PAK1IP1: variants seen among roughly 807,000 people sequenced by gnomAD.
PAK1IP1 encodes p21-activated protein kinase-interacting protein 1.
In PAK1IP1, 24 loss-of-function variants were observed where a neutral mutation model predicts 42.0. The observed-to-expected ratio is 0.57, with a 90% CI of 0.41 to 0.80. The LOEUF is 0.80. PAK1IP1 is among the 30% of genes least tolerant of loss of function. The probability of loss-of-function intolerance (pLI) is 0.00; values close to 1 mark genes in which losing one functional copy is unlikely to be tolerated. For missense variants in PAK1IP1, 411 were observed against 467.9 expected (o/e 0.88, Z 1.12); for synonymous variants, 154 against 156.7 (o/e 0.98, Z 0.13).
Position 10,702,434 on chromosome 6 carries a change from A to G in PAK1IP1, c.313A>G (p.Ile105Val). The change falls in exon 3 of 10, where the codon ATC becomes GTC. Residue 105 changes from isoleucine to valine, a missense_variant. Physicochemically the swap from Ile to Val is conservative, Grantham distance 29. Coordinates refer to ENST00000379568, the MANE Select transcript of PAK1IP1 (RefSeq NM_017906.3). ...HLISGAEDGLICIWDAKKWEC... is the reference protein window; with the variant it reads ...HLISGAEDGLVCIWDAKKWEC... ...AATCAGTGGAGCGGAAGATGGACTC[A>G]TCTGTATCTGGGATGCAAAGAAATG... 6.2e-7 allele frequency: 1 copy of G among 1,613,802 alleles called. No homozygotes were observed. Among genetic ancestry groups the G allele is most frequent in the South Asian group, 1.1e-5 (1 of 91,072 alleles).
chr6:10,691,210 G>C (rs2127472814), upstream of PAK1IP1, among the ~76,000 whole-genome samples: 1 of 152,316 alleles, frequency 6.6e-6, no homozygotes. Context: ...TTAAATTGTA[G>C]CAGGACAAGC....
chr6:10,703,603 C>T lies in PAK1IP1; in HGVS notation c.496+146C>T, dbSNP rs1159164168. 8 of 585,644 alleles carry T rather than the reference C, an allele frequency of 1.4e-5. No individual in the cohort carries two copies. The Admixed American group carries it at 2.3e-4, about 17-fold the overall frequency. 36.3% of individuals were successfully genotyped at this position (585,644 alleles called of 1,614,324 possible). A position where few individuals can be genotyped will look rare whatever the true frequency, so the allele number is the denominator to read the frequency against. On this transcript the variant is annotated intron_variant, in intron 5 of 9. Transcript: ENST00000379568. ...CCTCATGATGGGTCACAGTCAGAACCTTGTTTCATACACAAAATTATTTAA... is the reference window on the plus strand; with the variant it reads ...CCTCATGATGGGTCACAGTCAGAACTTTGTTTCATACACAAAATTATTTAA...
At chr6:10,702,900 A>G (rs1051114930) in intron 4 of PAK1IP1, among the ~76,000 whole-genome samples, 2 of 151,864 alleles carry the variant, frequency 1.3e-5, no homozygotes, top group Non-Finnish European at 2.9e-5. Context: ...TCCGCCTCCC[A>G]GGTTCATGCC....
chr6:10,703,070 G>C (rs1435554142), intron 4 of PAK1IP1, among the ~76,000 whole-genome samples: 1 of 152,170 alleles, frequency 6.6e-6, no homozygotes, highest in Admixed American at 6.5e-5. Flanking sequence ...CTCCGAAAGT[G>C]CTGGGATTAC....
At chr6:10,703,136 C>T (rs1770089918) in intron 4 of PAK1IP1, among the ~76,000 whole-genome samples, 1 of 152,078 alleles carries the variant, frequency 6.6e-6, no homozygotes, top group Admixed American at 6.5e-5. Flanking sequence ...TGCAATTATG[C>T]TGCAGTCATC....
chr6:10,704,904 G>A, intron 7 of PAK1IP1, 60 bp downstream of exon 7: 1 of 988,944 alleles, frequency 1.0e-6, no homozygotes, highest in South Asian at 1.3e-5. Context: ...ATATGCAGTA[G>A]TTTCATAAGC....
At chr6:10,702,240 CAAAAAAAAA>C in intron 2 of PAK1IP1, 120 bp from the exon 3 acceptor site, 1 of 571,702 alleles carries the variant, frequency 1.7e-6, no homozygotes, top group South Asian at 2.1e-5. Flanking sequence ...AACCCTGCCT[CAAAAAAAAA>C]AAAAAGAAAA....
At chr6:10,690,895 C>G (rs965887303), upstream of PAK1IP1, among the ~76,000 whole-genome samples, 1 of 152,180 alleles carries the variant, frequency 6.6e-6, no homozygotes, top group Non-Finnish European at 1.5e-5. Context: ...CAGTTCCAAT[C>G]CAGTTAAACA....
At chr6:10,692,229 G>T (rs1209631231), upstream of PAK1IP1, among the ~76,000 whole-genome samples, 1 of 152,160 alleles carries the variant, frequency 6.6e-6, no homozygotes, top group Non-Finnish European at 1.5e-5. Flanking sequence ...GGAGTAAAAT[G>T]CATAAAGGCA....
intron 8 of PAK1IP1, among the ~76,000 whole-genome samples, chr6:10,708,117 C>T (rs1302723195): frequency 4.1e-5 from 6 of 145,264 alleles, no homozygotes; most frequent in East Asian, 4.0e-4. Context: ...CAATCATAAT[C>T]GTAATTAATT....
At chr6:10,695,283 AG>A (rs1271028441) in intron 1 of PAK1IP1, among the ~76,000 whole-genome samples, 1 of 152,204 alleles carries the variant, frequency 6.6e-6, no homozygotes, top group African/African-American at 2.4e-5. Context: ...AGTAGACAAA[AG>A]GTCCACGGGA....
rs762152013 is a variant in PAK1IP1, at chr6:10,709,247, A to T, written c.974A>T (p.Glu325Val). 6.2e-7 allele frequency: 1 copy of T among 1,608,760 alleles called. No individual in the cohort carries two copies. The highest frequency in any genetic ancestry group is 1.7e-5 in the Admixed American group (1 of 58,722). ...PAAEPSPVSK[E>V]QSKIGKKEPG... ...CTCTTTTGTGTTTTAGTAAGTAAAG[A>T]ACAGTCCAAAATTGGCAAAAAGGAG... The change falls in exon 10 of 10, where the codon GAA becomes GTA. Residue 325 changes from glutamate (E) to valine (V), a missense_variant. Glu to Val is a moderately radical substitution (Grantham distance 121, BLOSUM62 -2). Coordinates refer to ENST00000379568, the MANE Select transcript of PAK1IP1 (RefSeq NM_017906.3).
In PAK1IP1 at chr6:10,702,431, C is replaced by T. The variant is rs576346939; in HGVS notation, c.310C>T (p.Leu104Phe). Reference sequence around the variant, plus strand: ...TTTAATCAGTGGAGCGGAAGATGGACTCATCTGTATCTGGGATGCAAAGAA... The same window carrying T: ...TTTAATCAGTGGAGCGGAAGATGGATTCATCTGTATCTGGGATGCAAAGAA... ...RHLISGAEDG[L>F]ICIWDAKKWE... Residue 104 changes from leucine (L) to phenylalanine (F), a missense_variant, in exon 3 of 10, where the codon CTC becomes TTC. Physicochemically the swap from Leu to Phe is conservative, Grantham distance 22. Coordinates refer to ENST00000379568, the MANE Select transcript of PAK1IP1 (RefSeq NM_017906.3). 2.8e-5 allele frequency: 45 copies of T among 1,613,428 alleles called. No individual in the cohort carries two copies. The highest frequency in any genetic ancestry group is 4.0e-5 in the African/African-American group (3 of 74,994).
chr6:10,708,796 AAC>A (rs1005823978), intron 8 of PAK1IP1, among the ~76,000 whole-genome samples, 155 bp from the exon 9 acceptor site: 6 of 152,006 alleles, frequency 3.9e-5, no homozygotes, highest in Non-Finnish European at 7.3e-5. Context: ...CTCTGTGAAT[AAC>A]AGTCAAACTA....
At position 10,702,615 on chromosome 6, in the gene PAK1IP1, C is replaced by T. The variant is rs1350809622; in HGVS notation, c.419C>T (p.Ser140Leu). Residue 140 changes from serine to leucine, a missense_variant, in exon 4 of 10, where the codon TCG (serine) becomes TTG (leucine). Transcript: ENST00000379568. ...SIHPSGKLALSVGTDKTLRTW... is the reference protein window; with the variant it reads ...SIHPSGKLALLVGTDKTLRTW... ...CACCCATCTGGCAAGTTGGCCCTGT[C>T]GGTTGGTACAGATAAAACTTTAAGG... 5 of 1,613,306 alleles carry T rather than the reference C, an allele frequency of 3.1e-6. No individual in the cohort carries two copies. The highest frequency in any genetic ancestry group is 4.2e-6 in the Non-Finnish European group (5 of 1,179,620).
intron 1 of PAK1IP1, 21 bp from the exon 2 acceptor site, chr6:10,697,303 G>C (rs1211552504): frequency 6.2e-7 from 1 of 1,605,864 alleles, no homozygotes; most frequent in Non-Finnish European, 8.5e-7. Flanking sequence ...GGCATTAATT[G>C]TATGTTTTCA....
At chr6:10,694,921 T>TTTGTTTTCGG, upstream of PAK1IP1, 1 of 931,720 alleles carries the variant, frequency 1.1e-6, no homozygotes, top group Non-Finnish European at 1.6e-6. Flanking sequence ...TTTTTTTTTT[T>TTTGTTTTCGG]TGGTTTCCGG....
chr6:10,694,235 G>A, upstream of PAK1IP1, among the ~76,000 whole-genome samples: 1 of 141,898 alleles, frequency 7.0e-6, no homozygotes, highest in Admixed American at 6.8e-5. Flanking sequence ...ACTCCAGCCT[G>A]GGCAAAAAGA....
chr6:10,693,878 G>A (rs771753436), upstream of PAK1IP1, among the ~76,000 whole-genome samples: 3 of 152,140 alleles, frequency 2.0e-5, no homozygotes, highest in Non-Finnish European at 4.4e-5. Flanking sequence ...ACAGGCGGGC[G>A]TCGCCATGCT....
Sources: allele counts gnomAD v4.1 joint callset (sites outside exome capture counted in the v4.1 genomes callset), GRCh38; gene constraint gnomAD v4.1.1; transcripts MANE v1.5; gene names NCBI Gene and HGNC (gene_info 2026-07-23, HGNC 2026-07-21).